Variants in CALN1 observed in about 807,000 individuals in gnomAD.
CALN1 encodes the protein calcium-binding protein 8.
In CALN1, 17 loss-of-function variants were observed where a neutral mutation model predicts 30.6. The ratio of observed to expected loss-of-function variants is 0.56; its 90% CI spans 0.38 to 0.83. The LOEUF (loss-of-function observed/expected upper bound fraction) is 0.83. CALN1 is among the 40% of genes least tolerant of loss of function. The pLI is 0.00. For synonymous variants in CALN1, 156 were observed against 131.4 expected, an observed-to-expected ratio of 1.19 and a Z score of -1.28; for missense variants, 291 against 354.9, an observed-to-expected ratio of 0.82 and a Z score of 1.45.
chr7:72,410,667 C>CT lies in CALN1; in HGVS notation c.-74+1390dup, dbSNP rs142819416. ...AAGCAAAACACCCTAAACCCTGGTT[C>CT]TTCAAAATGAAAACCAAGACCCTAT... is the stretch of plus-strand genomic sequence containing the variant. On this transcript the variant is annotated intron_variant, in intron 1 of 6. Coordinates refer to ENST00000395275, the MANE Select transcript of CALN1 (RefSeq NM_031468.4). Among the ~76,000 whole-genome samples the CT allele has an allele frequency of 9.7e-3, 1,478 of 152,310 alleles. 18 individuals carry two copies. The highest frequency in any genetic ancestry group is 0.033 in the African/African-American group (1,366 of 41,562).
intron 5 of CALN1, among the ~76,000 whole-genome samples, chr7:71,891,463 T>C (rs1454575764): frequency 6.6e-6 from 1 of 152,230 alleles, no homozygotes; most frequent in Non-Finnish European, 1.5e-5. Context: ...GCAGGGACTC[T>C]GGAGCAGAAT....
chr7:72,035,287 C>T (rs923955904), intron 4 of CALN1, among the ~76,000 whole-genome samples: 4 of 152,152 alleles, frequency 2.6e-5, no homozygotes, highest in African/African-American at 7.2e-5. Context: ...TTCCCCCTAC[C>T]CTCCAGCCCC....
intron 4 of CALN1, among the ~76,000 whole-genome samples, chr7:72,102,475 A>G (rs575062764): frequency 1.3e-3 from 205 of 152,216 alleles, no homozygotes; most frequent in African/African-American, 4.8e-3. Flanking sequence ...ACAAAGTTGT[A>G]TTTTTTCCAG....
intron 5 of CALN1, among the ~76,000 whole-genome samples, chr7:71,831,402 C>G (rs1331786440): frequency 6.6e-6 from 1 of 152,026 alleles, no homozygotes; most frequent in Non-Finnish European, 1.5e-5. Context: ...ATCGCTTGAA[C>G]CCAGGAGGCA....
intron 3 of CALN1, among the ~76,000 whole-genome samples, chr7:72,266,266 G>GA (rs1236176321): frequency 3.3e-5 from 5 of 152,170 alleles, no homozygotes; most frequent in Non-Finnish European, 5.9e-5. Context: ...AGTATGTTTT[G>GA]AAAAAGTCCA....
intron 5 of CALN1, among the ~76,000 whole-genome samples, chr7:71,888,657 T>G (rs1409775256): frequency 1.3e-5 from 2 of 151,738 alleles, no homozygotes; most frequent in South Asian, 4.2e-4. Context: ...CATATGGCAA[T>G]AGGTTGGGTG....
At chr7:71,958,145 C>T (rs1797063663) in intron 5 of CALN1, among the ~76,000 whole-genome samples, 1 of 150,732 alleles carries the variant, frequency 6.6e-6, no homozygotes, top group South Asian at 2.1e-4. Flanking sequence ...CAATCTCTTA[C>T]ATGGTATATT....
Position 71,866,671 on chromosome 7 carries a change from C to A in CALN1, c.502-56179G>T, listed in dbSNP as rs1791606613. On this transcript the variant is annotated intron_variant, in intron 5 of 6. Transcript: ENST00000395275. ...AACTACCAGTCAACATCCTACCGAA[C>A]CCCCAAATCTAGAGATGGTCCAGGT... is the stretch of plus-strand genomic sequence containing the variant. Among the ~76,000 whole-genome samples the A allele has an allele frequency of 2.6e-5, 4 of 152,226 alleles. No individual in the cohort carries two copies. In the South Asian group the frequency reaches 8.3e-4, roughly 32 times the overall value.
chr7:72,298,365 C>CT (rs1171084163), intron 2 of CALN1, among the ~76,000 whole-genome samples: 1 of 152,204 alleles, frequency 6.6e-6, no homozygotes, highest in African/African-American at 2.4e-5. Flanking sequence ...CAGTGAGAGT[C>CT]AATAGAGATC....
chr7:72,259,793 T>G (rs907178115), intron 3 of CALN1, among the ~76,000 whole-genome samples: 1 of 152,208 alleles, frequency 6.6e-6, no homozygotes, highest in African/African-American at 2.4e-5. Flanking sequence ...TCTAAGCCCT[T>G]TCCTTTCTTT....
At chr7:72,126,263 C>G (rs922065682) in intron 3 of CALN1, among the ~76,000 whole-genome samples, 1 of 152,058 alleles carries the variant, frequency 6.6e-6, no homozygotes, top group Non-Finnish European at 1.5e-5. Context: ...CATTTTATGG[C>G]TATTATTCCA....
chr7:71,973,318 T>C (rs111806502), intron 5 of CALN1, among the ~76,000 whole-genome samples: 1 of 151,984 alleles, frequency 6.6e-6, no homozygotes, highest in Admixed American at 6.6e-5. Flanking sequence ...TGGGATTACA[T>C]GTGCGCACCA....
rs111260511 is a variant in CALN1 at position 71,906,665 on chromosome 7, T to C, written c.502-96173A>G. Among the ~76,000 whole-genome samples, 1,305 of 152,198 alleles carry C rather than the reference T, an allele frequency of 8.6e-3. 20 individuals are homozygous for C. Among genetic ancestry groups the C allele is most frequent in the African/African-American group, 0.029 (1,219 of 41,540 alleles). ...CAAGCTTACACTGTAGCGGGGCAAA[T>C]TGGACAACCAGATTTTAAAAACCAA... On this transcript the variant is annotated intron_variant, in intron 5 of 6. Coordinates refer to ENST00000395275, the MANE Select transcript of CALN1 (RefSeq NM_031468.4).
Position 72,216,558 on chromosome 7 carries a change from A to G in CALN1, c.244+62128T>C, listed in dbSNP as rs73357194. Among the ~76,000 whole-genome samples the G allele has an allele frequency of 7.8e-3, 1,192 of 152,166 alleles. 10 individuals carry two copies. Among genetic ancestry groups the G allele is most frequent in the African/African-American group, 0.025 (1,036 of 41,516 alleles). On this transcript the variant is annotated intron_variant, in intron 3 of 6. Transcript: ENST00000395275. Reference sequence around the variant, plus strand: ...GTACCCTGACCCTAGGGAGGTGGAGAAGAGTCAGCGTGGGGCCAGTGGCTC... The same window carrying G: ...GTACCCTGACCCTAGGGAGGTGGAGGAGAGTCAGCGTGGGGCCAGTGGCTC...
intron 3 of CALN1, among the ~76,000 whole-genome samples, chr7:72,179,367 T>C (rs1465177160): frequency 1.3e-5 from 2 of 152,166 alleles, no homozygotes; most frequent in African/African-American, 2.4e-5. Context: ...CTTAGAGTAA[T>C]GGCTAGCGCT....
intron 4 of CALN1, among the ~76,000 whole-genome samples, chr7:72,105,785 AG>A (rs949120235): frequency 2.7e-5 from 2 of 74,066 alleles, no homozygotes; most frequent in Admixed American, 3.1e-4. Context: ...GAGGAGGAGG[AG>A]GGGGGAGGGA....
At chr7:71,888,447 A>G (rs996775782) in intron 5 of CALN1, among the ~76,000 whole-genome samples, 2 of 137,670 alleles carry the variant, frequency 1.5e-5, no homozygotes, top group African/African-American at 2.8e-5. Context: ...GAGAGAGAGA[A>G]AGACATTTTT....
At chr7:72,311,950 G>A (rs1800083943) in intron 2 of CALN1, among the ~76,000 whole-genome samples, 1 of 152,058 alleles carries the variant, frequency 6.6e-6, no homozygotes, top group African/African-American at 2.4e-5. Context: ...GAAGGAAGAG[G>A]AAAACAACAG....
chr7:71,877,648 C>CAAATT (rs10625156), intron 5 of CALN1, among the ~76,000 whole-genome samples: 18,770 of 150,576 alleles, frequency 0.12, 1,707 homozygotes, highest in East Asian at 0.44. Flanking sequence ...AAAAAAAAAA[C>CAAATT]GATGGAGAAA....
Sources: allele counts gnomAD v4.1 joint callset (sites outside exome capture counted in the v4.1 genomes callset), GRCh38; gene constraint gnomAD v4.1.1; transcripts MANE v1.5; gene names NCBI Gene and HGNC (gene_info 2026-07-23, HGNC 2026-07-21).